PRMT8: variants seen among roughly 807,000 people sequenced by gnomAD.
PRMT8 encodes protein arginine N-methyltransferase 8.
Under a neutral mutation model 47.1 loss-of-function variants are expected in PRMT8, and 7 were observed. The observed-to-expected ratio is 0.15, with a 90% CI of 0.08 to 0.28. PRMT8 has a LOEUF of 0.28. PRMT8 is among the 10% of genes least tolerant of loss of function. The pLI is 1.00. For synonymous variants in PRMT8, 188 were observed against 186.5 expected (o/e 1.01, Z -0.07); for missense variants, 237 against 505.4 (o/e 0.47, Z 5.09).
intron 1 of PRMT8, among the ~76,000 whole-genome samples, chr12:3,430,370 A>G (rs1323958991): frequency 1.3e-5 from 2 of 152,134 alleles, no homozygotes; most frequent in Non-Finnish European, 2.9e-5. Flanking sequence ...TTTAGTTTTT[A>G]CTTCTTCTTT....
At chr12:3,509,881 CAG>C (rs1865685038) in intron 1 of PRMT8, among the ~76,000 whole-genome samples, 1 of 152,190 alleles carries the variant, frequency 6.6e-6, no homozygotes, top group South Asian at 2.1e-4. Flanking sequence ...AACTGAGTAA[CAG>C]ATTTTCGCAT....
chr12:3,384,220 A>C (rs1864119334), intron 1 of PRMT8, among the ~76,000 whole-genome samples: 1 of 150,788 alleles, frequency 6.6e-6, no homozygotes, highest in Admixed American at 6.6e-5. Flanking sequence ...TTGGAGATGC[A>C]TTTTATCAGG....
intron 1 of PRMT8, among the ~76,000 whole-genome samples, chr12:3,408,082 T>C (rs888937474): frequency 3.9e-5 from 6 of 152,054 alleles, no homozygotes; most frequent in Non-Finnish European, 5.9e-5. Context: ...GAATCTCATA[T>C]CTTGCTGAGT....
intron 1 of PRMT8, among the ~76,000 whole-genome samples, chr12:3,452,718 C>T (rs973646203): frequency 1.3e-5 from 2 of 152,204 alleles, no homozygotes; most frequent in Non-Finnish European, 2.9e-5. Flanking sequence ...ACTTCTGCCT[C>T]ACCAGGTTGG....
chr12:3,425,782 A>G (rs1305026305), intron 1 of PRMT8, among the ~76,000 whole-genome samples: 1 of 152,230 alleles, frequency 6.6e-6, no homozygotes, highest in Non-Finnish European at 1.5e-5. Context: ...ATGAAATGCC[A>G]GGGTGAAAGG....
intron 1 of PRMT8, among the ~76,000 whole-genome samples, chr12:3,539,132 G>A (rs533326624): frequency 1.3e-5 from 2 of 152,338 alleles, no homozygotes; most frequent in East Asian, 3.9e-4. Flanking sequence ...TCACAGACAA[G>A]AAAATCGAGA....
Position 3,453,494 on chromosome 12 carries a change from C to A in PRMT8, c.48+72052C>A, listed in dbSNP as rs996558730. Among the ~76,000 whole-genome samples the A allele has an allele frequency of 2.0e-5, 3 of 152,150 alleles. No individual in the cohort carries two copies. The highest frequency in any genetic ancestry group is 7.2e-5 in the African/African-American group (3 of 41,422). ...TACTGCTGCTGGGACTGTGCGGTGC[C>A]GTAGGACATGATTTCTGACCTCAGA... On this transcript the variant is annotated intron_variant, in intron 1 of 9. Transcript: ENST00000452611. This position sits in a 1 kb window ranked among gnomAD's most constrained non-coding sequence, Gnocchi z 4.9.
chr12:3,406,101 C>T (rs1173357967), intron 1 of PRMT8, among the ~76,000 whole-genome samples: 6 of 152,260 alleles, frequency 3.9e-5, no homozygotes, highest in Non-Finnish European at 7.3e-5. Context: ...CTTCCACGTA[C>T]CCACAGGAGC....
chr12:3,473,975 T>C (rs1054714567), intron 1 of PRMT8, among the ~76,000 whole-genome samples: 4 of 152,314 alleles, frequency 2.6e-5, no homozygotes, highest in Non-Finnish European at 5.9e-5. Flanking sequence ...CTCCAGACCC[T>C]GCCATTCCTT....
chr12:3,582,795 C>G (rs577332525), intron 7 of PRMT8, among the ~76,000 whole-genome samples: 1 of 152,184 alleles, frequency 6.6e-6, no homozygotes, highest in Non-Finnish European at 1.5e-5. Context: ...GCCCCAAACC[C>G]TGGAAGATTT....
At chr12:3,534,079 TG>T (rs1246521630) in intron 1 of PRMT8, among the ~76,000 whole-genome samples, 1 of 152,108 alleles carries the variant, frequency 6.6e-6, no homozygotes, top group Non-Finnish European at 1.5e-5. Context: ...GGCAAAAGAG[TG>T]GGGTGAGGCC....
At chr12:3,434,968 C>CTTTTTTT (rs398044252) in intron 1 of PRMT8, among the ~76,000 whole-genome samples, 9 of 130,722 alleles carry the variant, frequency 6.9e-5, no homozygotes, top group African/African-American at 1.7e-4. Context: ...TTGCTTTGCT[C>CTTTTTTT]TTTTTTTTTT....
chr12:3,474,337 C>A (rs148645258), intron 1 of PRMT8, among the ~76,000 whole-genome samples: 279 of 152,294 alleles, frequency 1.8e-3, no homozygotes, highest in African/African-American at 6.6e-3. Flanking sequence ...TGGGGGTACC[C>A]TGCCTGCTTC....
chr12:3,466,067 G>T (rs1292214711), intron 1 of PRMT8, among the ~76,000 whole-genome samples: 1 of 152,182 alleles, frequency 6.6e-6, no homozygotes, highest in African/African-American at 2.4e-5. Flanking sequence ...CCAGAAGGAT[G>T]GACCCTCCCT....
intron 1 of PRMT8, among the ~76,000 whole-genome samples, chr12:3,386,681 G>A (rs573124246): frequency 6.6e-5 from 10 of 151,746 alleles, no homozygotes; most frequent in African/African-American, 2.2e-4. Context: ...GTTCATCAAG[G>A]TGTTCATATG....
intron 1 of PRMT8, among the ~76,000 whole-genome samples, chr12:3,529,487 A>C (rs975917895): frequency 1.3e-5 from 2 of 152,202 alleles, no homozygotes; most frequent in Non-Finnish European, 2.9e-5. Flanking sequence ...CATATTACCC[A>C]GTGGCTGACG....
At chr12:3,391,692 G>T (rs1400769541) in intron 1 of PRMT8, among the ~76,000 whole-genome samples, 1 of 152,176 alleles carries the variant, frequency 6.6e-6, no homozygotes, top group Non-Finnish European at 1.5e-5. Context: ...TTGCATATCT[G>T]TCTCCCCCTC....
intron 1 of PRMT8, among the ~76,000 whole-genome samples, chr12:3,512,803 G>A (rs12317643): frequency 0.02 from 3,005 of 152,320 alleles, 97 homozygotes; most frequent in African/African-American, 0.066. Flanking sequence ...ATAAGTAAAT[G>A]AACTATGGGT....
chr12:3,401,147 C>CAAAAAAAAA (rs34492092), intron 1 of PRMT8, among the ~76,000 whole-genome samples: 1 of 46,044 alleles, frequency 2.2e-5, no homozygotes, highest in Non-Finnish European at 3.9e-5. Context: ...AACTCCATCT[C>CAAAAAAAAA]AAAAAAAAAA....
Sources: allele counts gnomAD v4.1 joint callset (sites outside exome capture counted in the v4.1 genomes callset), GRCh38; gene constraint gnomAD v4.1.1; non-coding constraint Gnocchi (gnomAD v3.1); transcripts MANE v1.5; gene names NCBI Gene and HGNC (gene_info 2026-07-23, HGNC 2026-07-21).